The following NCS1 variants were observed in gnomAD, a reference collection of about 807,000 sequenced individuals.
The protein encoded by NCS1 is neuronal calcium sensor 1, also known as frequenin homolog.
In NCS1, 6 loss-of-function variants were observed where a neutral mutation model predicts 28.4. That is an observed-to-expected ratio of 0.21 (90% CI 0.12 to 0.42). The LOEUF is 0.42. NCS1 is among the 10% of genes least tolerant of loss of function. NCS1 has a pLI of 1.00. For synonymous variants in NCS1, 86 were observed against 99.3 expected, an observed-to-expected ratio of 0.87 and a Z score of 0.79; for missense variants, 131 against 241.4, an observed-to-expected ratio of 0.54 and a Z score of 3.03.
At chr9:130,231,956 T>G (rs1335343866) in intron 7 of NCS1, among the ~76,000 whole-genome samples, 1 of 151,928 alleles carries the variant, frequency 6.6e-6, no homozygotes, top group East Asian at 1.9e-4. Flanking sequence ...GTTGTGGTTT[T>G]TGTTTTTTGA....
chr9:130,194,402 G>A (rs945810550), intron 1 of NCS1, among the ~76,000 whole-genome samples: 10 of 152,012 alleles, frequency 6.6e-5, no homozygotes, highest in Non-Finnish European at 1.0e-4. Flanking sequence ...GTCTGTGGGC[G>A]TGGGGGTGCG....
Position 130,172,733 on chromosome 9 carries a change from T to A in NCS1, c.64+6T>A. 6.7e-7 allele frequency: 1 copy of A among 1,496,104 alleles called. No homozygotes were observed. The highest frequency in any genetic ancestry group is 1.2e-5 in the South Asian group (1 of 80,892). 92.7% of individuals were successfully genotyped at this position (1,496,104 alleles called of 1,614,324 possible). A position where few individuals can be genotyped will look rare whatever the true frequency, so the allele number is the denominator to read the frequency against. ...GCTGACCAGGAAGACCTACTGTGAG[T>A]GCTCCCAGCCCCCAGCCCGCGCCCC... On this transcript the variant is annotated splice_donor_region_variant and intron_variant, in intron 1 of 7. Coordinates refer to ENST00000372398, the MANE Select transcript of NCS1 (RefSeq NM_014286.4).
intron 1 of NCS1, among the ~76,000 whole-genome samples, chr9:130,193,153 G>C (rs1242871270): frequency 1.3e-5 from 2 of 152,170 alleles, no homozygotes; most frequent in African/African-American, 4.8e-5. Flanking sequence ...TGCTGCCCAG[G>C]GAGGGCTTGG....
At chr9:130,225,056 G>A (rs1363625511) in intron 6 of NCS1, among the ~76,000 whole-genome samples, 3 of 152,088 alleles carry the variant, frequency 2.0e-5, no homozygotes, top group African/African-American at 7.2e-5. Flanking sequence ...GCCGGGTGTG[G>A]TGGTGTGCAC....
At chr9:130,172,763 T>C (rs1588104282) in intron 1 of NCS1, 36 bp downstream of exon 1, 3 of 1,104,284 alleles carry the variant, frequency 2.7e-6, no homozygotes, top group East Asian at 7.3e-5. Context: ...CGCCCCGCGG[T>C]CACCCCCACA....
chr9:130,206,823 G>T (rs1403712540), intron 2 of NCS1, among the ~76,000 whole-genome samples: 1 of 151,216 alleles, frequency 6.6e-6, no homozygotes, highest in Non-Finnish European at 1.5e-5. Context: ...AGGGCAACAG[G>T]CAGTGTAGGG....
chr9:130,199,844 G>C (rs1044167886), intron 1 of NCS1, among the ~76,000 whole-genome samples: 2 of 152,200 alleles, frequency 1.3e-5, no homozygotes, highest in Non-Finnish European at 2.9e-5. Flanking sequence ...ATAGATTCTA[G>C]TTCCTTTACT....
chr9:130,208,289 T>A (rs949293434), intron 2 of NCS1, among the ~76,000 whole-genome samples: 6 of 146,300 alleles, frequency 4.1e-5, no homozygotes, highest in Non-Finnish European at 7.5e-5. Context: ...TCTGCAACTA[T>A]TTTTTTTTTT....
intron 1 of NCS1, among the ~76,000 whole-genome samples, chr9:130,176,182 CTTTCTTTCTTTCT>C (rs1564700780): frequency 1.6e-5 from 1 of 61,092 alleles, no homozygotes; most frequent in South Asian, 4.0e-4. Context: ...TTCTTTCTTT[CTTTCTTTCTTTCT>C]TTTTTTTTTT....
chr9:130,198,225 C>T (rs1342359951), intron 1 of NCS1, among the ~76,000 whole-genome samples: 1 of 152,208 alleles, frequency 6.6e-6, no homozygotes, highest in East Asian at 1.9e-4. Context: ...CCTTCTCCCA[C>T]CTCCCTGCTG....
intron 2 of NCS1, among the ~76,000 whole-genome samples, chr9:130,204,195 C>A (rs1832996092): frequency 6.6e-6 from 1 of 152,046 alleles, no homozygotes; most frequent in Non-Finnish European, 1.5e-5. Flanking sequence ...CGGGGTTTCA[C>A]CATGTTGGCC....
At chr9:130,202,800 G>C (rs1317115995) in intron 2 of NCS1, among the ~76,000 whole-genome samples, 3 of 151,956 alleles carry the variant, frequency 2.0e-5, no homozygotes, top group Non-Finnish European at 2.9e-5. Context: ...GGCTGGTCTC[G>C]AGCTCCTGAC....
chr9:130,229,972 C>G (rs951240956), intron 7 of NCS1, among the ~76,000 whole-genome samples: 1 of 152,212 alleles, frequency 6.6e-6, no homozygotes, highest in Non-Finnish European at 1.5e-5. Context: ...GCATAATGCT[C>G]CATCACATGG....
intron 7 of NCS1, among the ~76,000 whole-genome samples, chr9:130,229,329 A>C (rs1347867230): frequency 6.7e-6 from 1 of 149,792 alleles, no homozygotes; most frequent in Non-Finnish European, 1.5e-5. Context: ...ATCTTAGCTC[A>C]CTGCAACCTC....
At position 130,231,512 on chromosome 9, in the gene NCS1, T is replaced by C. The variant is rs529770768; in HGVS notation, c.*18-1478T>C. ...GATTCTCCTGCCTCAGTCTCCTGAGTAGCTGGGATTACAGGCACACACCAC... is the reference window on the plus strand; with the variant it reads ...GATTCTCCTGCCTCAGTCTCCTGAGCAGCTGGGATTACAGGCACACACCAC... On this transcript the variant is annotated intron_variant, in intron 7 of 7. Transcript: ENST00000372398. 7.8e-4 allele frequency among the ~76,000 whole-genome samples: 118 copies of C among 151,786 alleles called. 1 individual carries two copies. The highest frequency in any genetic ancestry group is 2.8e-3 in the African/African-American group (115 of 41,388).
chr9:130,190,382 A>G (rs1588112012), intron 1 of NCS1, among the ~76,000 whole-genome samples: 1 of 152,148 alleles, frequency 6.6e-6, no homozygotes, highest in Non-Finnish European at 1.5e-5. Flanking sequence ...TACATTTTCA[A>G]CTGGTTTCTT....
chr9:130,186,713 G>C lies in NCS1; in HGVS notation c.64+13986G>C, dbSNP rs1554905663. Among the ~76,000 whole-genome samples the C allele has an allele frequency of 6.6e-6, 1 of 152,178 alleles. No individual in the cohort carries two copies. Among genetic ancestry groups the C allele is most frequent in the African/African-American group, 2.4e-5 (1 of 41,446 alleles). On this transcript the variant is annotated intron_variant, in intron 1 of 7. Transcript: ENST00000372398. The surrounding 1 kb of genome is among the most constrained non-coding windows in gnomAD (Gnocchi z 4.1). ...CTAATGTCATGGCCAGTAGAGCAGG[G>C]AGCCCTCTGGATGGAAGCCCTGAGA...
Position 130,192,785 on chromosome 9 carries a change from G to A in NCS1, c.65-8173G>A, listed in dbSNP as rs534837027. On this transcript the variant is annotated intron_variant, in intron 1 of 7. Coordinates refer to ENST00000372398, the MANE Select transcript of NCS1 (RefSeq NM_014286.4). The surrounding 1 kb of genome is among the most constrained non-coding windows in gnomAD (Gnocchi z 4.8). ...AGGCCTTGTGTGCTTGGGGCACCTG[G>A]AGGATTGGAGCAGCAGGTGGCTGCT... is the stretch of plus-strand genomic sequence containing the variant. 3.3e-5 allele frequency among the ~76,000 whole-genome samples: 5 copies of A among 152,258 alleles called. No homozygotes were observed. The highest frequency in any genetic ancestry group is 7.4e-5 in the Non-Finnish European group (5 of 67,998).
At chr9:130,190,816 C>T (rs951735781) in intron 1 of NCS1, among the ~76,000 whole-genome samples, 1 of 152,224 alleles carries the variant, frequency 6.6e-6, no homozygotes, top group Non-Finnish European at 1.5e-5. Flanking sequence ...CTTTGCCTCT[C>T]TGTGAAACCG....
Sources: gnomAD v4.1 joint callset for allele counts (sites outside exome capture counted in the v4.1 genomes callset) on GRCh38, gnomAD v4.1.1 for gene constraint, Gnocchi (gnomAD v3.1) non-coding constraint, MANE v1.5 for transcripts, NCBI Gene and HGNC (gene_info 2026-07-23, HGNC 2026-07-21) for gene names.